Variants in KBTBD2 observed in about 807,000 individuals in gnomAD.
The protein encoded by KBTBD2 is kelch repeat and BTB domain-containing protein 2.
A neutral mutation model predicts 57.1 loss-of-function variants in KBTBD2; 17 were observed. That is an observed-to-expected ratio of 0.30 (90% CI 0.20 to 0.45). KBTBD2 has a LOEUF of 0.45. Among genes scored for constraint, KBTBD2 ranks in the 20% least tolerant of loss-of-function variants. The pLI is 1.00. For synonymous variants in KBTBD2, 267 were observed against 262.7 expected (o/e 1.02, Z -0.16); for missense variants, 515 against 750.6 (o/e 0.69, Z 3.67).
chr7:32,884,735 G>A (rs1343977277), intron 1 of KBTBD2, among the ~76,000 whole-genome samples: 5 of 151,382 alleles, frequency 3.3e-5, no homozygotes, highest in African/African-American at 1.2e-4. Flanking sequence ...AACTTCAAAA[G>A]GTACACTATT....
intron 2 of KBTBD2, among the ~76,000 whole-genome samples, chr7:32,878,097 T>C (rs1318919094): frequency 2.0e-5 from 3 of 148,096 alleles, no homozygotes; most frequent in Non-Finnish European, 3.0e-5. Flanking sequence ...GGGTGACAGA[T>C]TGCGACTGTC....
intron 1 of KBTBD2, among the ~76,000 whole-genome samples, chr7:32,885,958 G>C (rs1255652508): frequency 1.3e-5 from 2 of 148,808 alleles, no homozygotes; most frequent in African/African-American, 2.5e-5. Context: ...GCCCAGGCTG[G>C]AGTGCAATGG....
chr7:32,874,742 C>T (rs1784268079), intron 3 of KBTBD2: 1 of 335,848 alleles, frequency 3.0e-6, no homozygotes, highest in Admixed American at 4.3e-5. Context: ...GCGTGTAATC[C>T]CAGCACTTTG....
In KBTBD2 at chr7:32,870,454, T is replaced by C; in HGVS notation, c.763A>G (p.Lys255Glu). 6.2e-7 allele frequency: 1 copy of C among 1,613,864 alleles called. No individual in the cohort carries two copies. Among genetic ancestry groups the C allele is most frequent in the East Asian group, 2.2e-5 (1 of 44,886 alleles). The part of the protein sequence containing the change: ...VVQGLYKSMP[K>E]FFKPRLGMTK... ...ATCCCAAGTCTTGGTTTGAAAAACT[T>C]GGGCATGGACTTATACAGACCTTGA... Residue 255 changes from lysine (K) to glutamate (E), a missense_variant, in exon 4 of 4, where the codon AAG becomes GAG. Transcript: ENST00000304056.
upstream of KBTBD2, chr7:32,891,814 G>T (rs1254026896): frequency 1.4e-5 from 2 of 146,292 alleles, no homozygotes; most frequent in South Asian, 1.8e-4. Flanking sequence ...CTCCTCCCCC[G>T]GGAGCCGCGC....
At chr7:32,889,328 T>A (rs1784669668) in intron 1 of KBTBD2, among the ~76,000 whole-genome samples, 1 of 149,682 alleles carries the variant, frequency 6.7e-6, no homozygotes, top group African/African-American at 2.5e-5. Flanking sequence ...ATCGGCCGTC[T>A]GCGGTAGCTC....
At chr7:32,884,572 C>T (rs1202470432) in intron 1 of KBTBD2, among the ~76,000 whole-genome samples, 1 of 151,610 alleles carries the variant, frequency 6.6e-6, no homozygotes, top group Non-Finnish European at 1.5e-5. Flanking sequence ...TGCCTGTAAT[C>T]CCTGCTACTC....
In KBTBD2 at chr7:32,869,353, G is replaced by T; in HGVS notation, c.1864C>A (p.Pro622Thr). The change falls in exon 4 of 4, where the codon CCT (proline) becomes ACT (threonine). Residue 622 changes from proline (P) to threonine (T), a missense_variant. Physicochemically the swap from Pro to Thr is conservative, Grantham distance 38. Coordinates refer to ENST00000304056, the MANE Select transcript of KBTBD2 (RefSeq NM_015483.3). ...ELDGEMVALP[P>T]V is the part of the protein sequence containing the mutation. Reference sequence around the variant, plus strand: ...CTCCCTGAACTTCCCCACTATACAGGTGGTAGTGCAACCATTTCTCCATCC... The same window carrying T: ...CTCCCTGAACTTCCCCACTATACAGTTGGTAGTGCAACCATTTCTCCATCC... The T allele has an allele frequency of 6.2e-7, 1 of 1,607,068 alleles. No individual in the cohort carries two copies. The highest frequency in any genetic ancestry group is 8.5e-7 in the Non-Finnish European group (1 of 1,175,666).
intron 1 of KBTBD2, among the ~76,000 whole-genome samples, chr7:32,884,086 A>T (rs1314125388): frequency 6.6e-6 from 1 of 152,228 alleles, no homozygotes; most frequent in Non-Finnish European, 1.5e-5. Flanking sequence ...GTACAGGTAA[A>T]ATGAGCAAAG....
intron 1 of KBTBD2, among the ~76,000 whole-genome samples, chr7:32,889,803 G>A (rs1784683886): frequency 6.6e-6 from 1 of 152,090 alleles, no homozygotes; most frequent in Non-Finnish European, 1.5e-5. Flanking sequence ...AGGGGAAGGG[G>A]GACTCTTTTC....
intron 1 of KBTBD2, among the ~76,000 whole-genome samples, chr7:32,884,705 A>G (rs1403060030): frequency 2.6e-5 from 4 of 151,902 alleles, no homozygotes; most frequent in Non-Finnish European, 5.9e-5. Flanking sequence ...AAATAAAAAT[A>G]AAAATAGTAA....
chr7:32,878,591 AAAAC>A (rs1217680872), intron 2 of KBTBD2, among the ~76,000 whole-genome samples: 1 of 151,836 alleles, frequency 6.6e-6, no homozygotes, highest in African/African-American at 2.4e-5. Flanking sequence ...TCAAAAAAAA[AAAAC>A]AAAAACAAAA....
At chr7:32,880,550 TAA>T (rs398066755) in intron 1 of KBTBD2, among the ~76,000 whole-genome samples, 1 of 146,798 alleles carries the variant, frequency 6.8e-6, no homozygotes, top group African/African-American at 2.5e-5. Flanking sequence ...ATATTTTACT[TAA>T]AAAAAAAAAA....
In KBTBD2 at chr7:32,877,178, C is replaced by CT. The variant is rs758925479; in HGVS notation, c.171-2022_171-2021insA. On this transcript the variant is annotated intron_variant, in intron 2 of 3. Transcript: ENST00000304056. ...GGATTACAGGCGCCCGCCACTACGC[C>CT]GGCTGATTTTTTGTATTTTTAGTAG... is the stretch of plus-strand genomic sequence containing the variant. 3.3e-5 allele frequency among the ~76,000 whole-genome samples: 5 copies of CT among 151,684 alleles called. 1 individual carries two copies. Among genetic ancestry groups the CT allele is most frequent in the African/African-American group, 7.3e-5 (3 of 41,238 alleles).
At chr7:32,882,374 A>T (rs998419317) in intron 1 of KBTBD2, among the ~76,000 whole-genome samples, 1 of 152,196 alleles carries the variant, frequency 6.6e-6, no homozygotes, top group Non-Finnish European at 1.5e-5. Flanking sequence ...CACTCTGGTC[A>T]TTTCATTAAC....
chr7:32,891,897 C>CCCCCGCCGCCCCCGT (rs1784766515), upstream of KBTBD2: 1 of 119,310 alleles, frequency 8.4e-6, no homozygotes, highest in African/African-American at 3.3e-5. Context: ...GCCGCCCCCG[C>CCCCCGCCGCCCCCGT]CCCCGCCCCC....
At chr7:32,872,322 C>T (rs866797161) in intron 3 of KBTBD2, among the ~76,000 whole-genome samples, 1 of 152,146 alleles carries the variant, frequency 6.6e-6, no homozygotes, top group South Asian at 2.1e-4. Context: ...GCAAGCTACC[C>T]CAGCCTCAGT....
chr7:32,891,240 G>C (rs1784729956), intron 1 of KBTBD2: 1 of 150,098 alleles, frequency 6.7e-6, no homozygotes. Context: ...GAGGCGCCCG[G>C]TGCCGGGGCC....
chr7:32,881,712 C>T (rs888722136), intron 1 of KBTBD2, among the ~76,000 whole-genome samples: 2 of 152,176 alleles, frequency 1.3e-5, no homozygotes, highest in Admixed American at 6.5e-5. Context: ...ACTATAATCT[C>T]TAAGGCAAAT....
Sources: gnomAD v4.1 joint callset for allele counts (sites outside exome capture counted in the v4.1 genomes callset) on GRCh38, gnomAD v4.1.1 for gene constraint, MANE v1.5 for transcripts, NCBI Gene and HGNC (gene_info 2026-07-23, HGNC 2026-07-21) for gene names.